The following KIF16B variants were observed in gnomAD, a reference collection of about 807,000 sequenced individuals.
KIF16B encodes kinesin family member 16B.
KIF16B carries 98 observed loss-of-function variants against 156.3 expected under a neutral mutation model. The ratio of observed to expected loss-of-function variants is 0.63; its 90% CI spans 0.53 to 0.74. The LOEUF (loss-of-function observed/expected upper bound fraction) is 0.74, where lower values mean the gene tolerates loss of function less well. Among genes scored for constraint, KIF16B ranks in the 30% least tolerant of loss-of-function variants. The pLI is 0.00. For synonymous variants in KIF16B, 564 were observed against 583.7 expected (o/e 0.97, Z 0.49); for missense variants, 1,421 against 1,606.5 (o/e 0.88, Z 1.97).
intron 24 of KIF16B, among the ~76,000 whole-genome samples, chr20:16,326,246 C>A (rs2063846173): frequency 6.6e-6 from 1 of 151,312 alleles, no homozygotes; most frequent in Non-Finnish European, 1.5e-5. Context: ...TAGGCAAAGC[C>A]TTCATGACCA....
chr20:16,366,596 T>C lies in KIF16B; in HGVS notation c.3498+3990A>G, dbSNP rs1462873415. Among the ~76,000 whole-genome samples, 4 of 152,184 alleles carry C rather than the reference T, an allele frequency of 2.6e-5. No individual in the cohort carries two copies. In the East Asian group the frequency reaches 7.7e-4, roughly 29 times the overall value. On this transcript the variant is annotated intron_variant, in intron 22 of 25. Transcript: ENST00000354981. The stretch of plus-strand genomic sequence containing the variant: ...GGAAGAAGACACTGCAGGGCATGCA[T>C]CACTGTCTCGATTCCGCATACCATG...
chr20:16,446,462 C>T (rs933825463), intron 12 of KIF16B, among the ~76,000 whole-genome samples: 2 of 152,156 alleles, frequency 1.3e-5, no homozygotes, highest in African/African-American at 4.8e-5. Context: ...TGTTCCCCTG[C>T]ACCATCTTGA....
In KIF16B at chr20:16,328,360, G is replaced by A. The variant is rs189672572; in HGVS notation, c.3711+7566C>T. The stretch of plus-strand genomic sequence containing the variant: ...CTTGGGGACTCTAATGACTCACTGC[G>A]ATAACTTAGTTATGATGAAGACAAG... On this transcript the variant is annotated intron_variant, in intron 24 of 25. Transcript: ENST00000354981. 7.2e-5 allele frequency among the ~76,000 whole-genome samples: 11 copies of A among 152,290 alleles called. No individual in the cohort carries two copies. In the East Asian group the frequency reaches 1.2e-3, roughly 16 times the overall value.
intron 22 of KIF16B, among the ~76,000 whole-genome samples, chr20:16,359,007 A>G (rs2064498729): frequency 6.6e-6 from 1 of 152,216 alleles, no homozygotes; most frequent in African/African-American, 2.4e-5. Flanking sequence ...GTTTTTCTCA[A>G]CTGCACATGT....
intron 24 of KIF16B, among the ~76,000 whole-genome samples, chr20:16,318,636 T>G (rs749085472): frequency 6.6e-6 from 1 of 152,140 alleles, no homozygotes; most frequent in Non-Finnish European, 1.5e-5. Flanking sequence ...TAAAAAGTAT[T>G]GGTGGATAAC....
At chr20:16,519,497 A>G (rs2069257556) in intron 3 of KIF16B, among the ~76,000 whole-genome samples, 1 of 152,198 alleles carries the variant, frequency 6.6e-6, no homozygotes, top group Non-Finnish European at 1.5e-5. Flanking sequence ...ATTGTCTCAG[A>G]AAGCCAACTT....
intron 10 of KIF16B, among the ~76,000 whole-genome samples, chr20:16,503,071 C>T (rs930340625): frequency 2.0e-5 from 3 of 152,090 alleles, no homozygotes; most frequent in Admixed American, 6.5e-5. Flanking sequence ...AAAAAATTAG[C>T]CAGGCATGGT....
At chr20:16,306,821 T>C (rs2063547814) in intron 25 of KIF16B, among the ~76,000 whole-genome samples, 1 of 152,156 alleles carries the variant, frequency 6.6e-6, no homozygotes, top group African/African-American at 2.4e-5. Flanking sequence ...CATTTTCGAG[T>C]GTTTTTCTTT....
intron 19 of KIF16B, among the ~76,000 whole-genome samples, chr20:16,375,812 A>G (rs2064936457): frequency 6.6e-6 from 1 of 152,208 alleles, no homozygotes; most frequent in African/African-American, 2.4e-5. Context: ...AAAAGACTCC[A>G]CAGAGCAAAG....
At chr20:16,428,647 T>C (rs895439210) in intron 14 of KIF16B, among the ~76,000 whole-genome samples, 1 of 152,290 alleles carries the variant, frequency 6.6e-6, no homozygotes, top group East Asian at 1.9e-4. Context: ...TGTGAGACAA[T>C]GTAGAGTGAT....
At chr20:16,572,500 A>G (rs1385652096) in intron 1 of KIF16B, among the ~76,000 whole-genome samples, 2 of 152,248 alleles carry the variant, frequency 1.3e-5, no homozygotes, top group African/African-American at 4.8e-5. Flanking sequence ...AACTTTTCCA[A>G]AGAAACTTTC....
At chr20:16,489,151 G>A (rs900521190) in intron 12 of KIF16B, among the ~76,000 whole-genome samples, 5 of 152,170 alleles carry the variant, frequency 3.3e-5, no homozygotes, top group Admixed American at 1.3e-4. Context: ...TTTCCCGAGG[G>A]CAAGGCTATG....
intron 12 of KIF16B, among the ~76,000 whole-genome samples, chr20:16,490,487 G>A (rs901525624): frequency 3.3e-5 from 5 of 152,142 alleles, no homozygotes; most frequent in Non-Finnish European, 7.3e-5. Context: ...GTTGCAGTGA[G>A]CCGAAATCAC....
At chr20:16,299,104 A>G (rs77552380) in intron 25 of KIF16B, among the ~76,000 whole-genome samples, 38,351 of 152,096 alleles carry the variant, frequency 0.25, 5,166 homozygotes, top group Non-Finnish European at 0.31. Flanking sequence ...GTATTTGATG[A>G]TAGTATTGTG....
intron 25 of KIF16B, among the ~76,000 whole-genome samples, chr20:16,298,312 T>C (rs2063420977): frequency 6.6e-6 from 1 of 152,180 alleles, no homozygotes. Context: ...GTTATGACAG[T>C]CTCCTGTAAT....
intron 1 of KIF16B, among the ~76,000 whole-genome samples, chr20:16,563,001 T>C (rs1042985801): frequency 1.2e-4 from 18 of 152,220 alleles, no homozygotes; most frequent in African/African-American, 4.3e-4. Flanking sequence ...AAATTACTGA[T>C]CAACAATTAC....
intron 23 of KIF16B, among the ~76,000 whole-genome samples, chr20:16,340,486 C>T (rs1312509958): frequency 6.6e-6 from 1 of 152,184 alleles, no homozygotes; most frequent in Non-Finnish European, 1.5e-5. Context: ...CACCTTAGAA[C>T]AGAACTTGAC....
At chr20:16,315,491 A>T (rs2063683957) in intron 24 of KIF16B, among the ~76,000 whole-genome samples, 1 of 152,172 alleles carries the variant, frequency 6.6e-6, no homozygotes, top group African/African-American at 2.4e-5. Flanking sequence ...TACTGTTGCA[A>T]AGTCTTTGGG....
At chr20:16,444,323 T>C (rs962424743) in intron 12 of KIF16B, among the ~76,000 whole-genome samples, 1 of 152,184 alleles carries the variant, frequency 6.6e-6, no homozygotes, top group African/African-American at 2.4e-5. Context: ...TGTCTGCCTG[T>C]TTTTGTATGG....
Sources: allele counts gnomAD v4.1 joint callset (sites outside exome capture counted in the v4.1 genomes callset), GRCh38; gene constraint gnomAD v4.1.1; transcripts MANE v1.5; gene names NCBI Gene and HGNC (gene_info 2026-07-23, HGNC 2026-07-21).